The following ETV6 variants were observed in gnomAD, a reference collection of about 807,000 sequenced individuals.
The protein encoded by ETV6 is transcription factor ETV6.
ETV6 carries 16 observed loss-of-function variants against 51.1 expected under a neutral mutation model. That is an observed-to-expected ratio of 0.31 (90% CI 0.21 to 0.48). The LOEUF (loss-of-function observed/expected upper bound fraction) is 0.48, where lower values mean the gene tolerates loss of function less well. Among genes scored for constraint, ETV6 ranks in the 20% least tolerant of loss-of-function variants. ETV6 has a pLI of 0.99. For synonymous variants in ETV6, 240 were observed against 224.1 expected, an observed-to-expected ratio of 1.07 and a Z score of -0.64; for missense variants, 458 against 594.8, an observed-to-expected ratio of 0.77 and a Z score of 2.39.
At chr12:11,704,406 G>A (rs1227455409) in intron 1 of ETV6, among the ~76,000 whole-genome samples, 1 of 152,132 alleles carries the variant, frequency 6.6e-6, no homozygotes, top group African/African-American at 2.4e-5. Flanking sequence ...GAATACAGTG[G>A]CGTGATCTCA....
At chr12:11,740,707 A>T (rs2724643) in intron 1 of ETV6, among the ~76,000 whole-genome samples, 128,952 of 152,096 alleles carry the variant, frequency 0.85, 57,248 homozygotes, top group Non-Finnish European at 0.97. Context: ...TTAAAAAAAA[A>T]TTTATTAAGG....
intron 1 of ETV6, among the ~76,000 whole-genome samples, chr12:11,650,996 A>G (rs908524961): frequency 6.6e-6 from 1 of 152,196 alleles, no homozygotes; most frequent in Non-Finnish European, 1.5e-5. Flanking sequence ...GTGTGTATGC[A>G]TGTCTATATA....
intron 2 of ETV6, among the ~76,000 whole-genome samples, chr12:11,761,729 T>C (rs1162297735): frequency 6.6e-6 from 1 of 152,230 alleles, no homozygotes. Context: ...ACGTGGCTGA[T>C]TACTTGGGTC....
intron 2 of ETV6, among the ~76,000 whole-genome samples, chr12:11,756,520 T>C (rs149442634): frequency 1.5e-3 from 227 of 152,262 alleles, no homozygotes; most frequent in Middle Eastern, 0.01. Flanking sequence ...AAGCTTTTCA[T>C]TGTAGCTTGA....
intron 2 of ETV6, among the ~76,000 whole-genome samples, chr12:11,787,434 G>C (rs1324339238): frequency 6.6e-6 from 1 of 152,074 alleles, no homozygotes; most frequent in Non-Finnish European, 1.5e-5. Context: ...TCAATACATT[G>C]GGTTATATAA....
intron 1 of ETV6, among the ~76,000 whole-genome samples, chr12:11,743,236 T>C (rs532749027): frequency 6.6e-6 from 1 of 152,332 alleles, no homozygotes; most frequent in African/African-American, 2.4e-5. Context: ...CAGTATTGTT[T>C]GGTTTTGTTG....
chr12:11,870,389 G>A (rs147951791), intron 5 of ETV6, among the ~76,000 whole-genome samples: 245 of 152,194 alleles, frequency 1.6e-3, no homozygotes, highest in African/African-American at 5.6e-3. Context: ...GAGCGGTAAC[G>A]CCATGCAGCC....
chr12:11,851,353 T>C (rs190254317), intron 3 of ETV6, among the ~76,000 whole-genome samples: 1 of 152,146 alleles, frequency 6.6e-6, no homozygotes, highest in Non-Finnish European at 1.5e-5. Context: ...CCCTGTAAAT[T>C]AGCAAAAGTT....
intron 2 of ETV6, among the ~76,000 whole-genome samples, chr12:11,753,419 C>T (rs540723046): frequency 4.6e-5 from 7 of 152,332 alleles, no homozygotes; most frequent in African/African-American, 1.7e-4. Context: ...GATTCCCACC[C>T]TCTTCACAGT....
chr12:11,822,936 G>A (rs1946101407), intron 2 of ETV6, among the ~76,000 whole-genome samples: 1 of 152,056 alleles, frequency 6.6e-6, no homozygotes, highest in African/African-American at 2.4e-5. Flanking sequence ...AGTTTCCAAG[G>A]GCTGCATTAA....
intron 1 of ETV6, among the ~76,000 whole-genome samples, chr12:11,650,504 A>AAC (rs59518105): frequency 0.22 from 20,170 of 93,530 alleles, 2,636 homozygotes; most frequent in Non-Finnish European, 0.27. Context: ...AACAAAAAAC[A>AAC]AAAAAAAAAA....
At chr12:11,669,797 A>G (rs943089387) in intron 1 of ETV6, among the ~76,000 whole-genome samples, 1 of 152,116 alleles carries the variant, frequency 6.6e-6, no homozygotes, top group Admixed American at 6.5e-5. Context: ...TCATATATTC[A>G]TTCGTATTCC....
chr12:11,879,406 C>G (rs1947051593), intron 5 of ETV6, among the ~76,000 whole-genome samples: 3 of 152,094 alleles, frequency 2.0e-5, no homozygotes, highest in Admixed American at 2.0e-4. Flanking sequence ...TGGTTTTTTT[C>G]TTTAGAAACC....
At chr12:11,759,247 A>T (rs1032256149) in intron 2 of ETV6, among the ~76,000 whole-genome samples, 1 of 151,864 alleles carries the variant, frequency 6.6e-6, no homozygotes, top group Non-Finnish European at 1.5e-5. Context: ...AGCTCTGTGT[A>T]CATTTAAGGC....
At chr12:11,863,336 T>C (rs1946742822) in intron 4 of ETV6, among the ~76,000 whole-genome samples, 1 of 152,204 alleles carries the variant, frequency 6.6e-6, no homozygotes, top group Admixed American at 6.5e-5. Context: ...AGTCCTGGTT[T>C]ATTTTAGGCC....
At position 11,869,562 on chromosome 12, in the gene ETV6, T is replaced by C. The variant is rs145477191; in HGVS notation, c.602T>C (p.Leu201Pro). Residue 201 changes from leucine (L) to proline (P), a missense_variant, in exon 5 of 8, where the codon CTC (leucine) becomes CCC (proline). Around this residue, in one of 4 missense-constraint regions of ETV6, gnomAD observed 293 missense variants for 315.7 expected, o/e 0.93. Transcript: ENST00000396373. The surrounding 1 kb of genome is among the most constrained non-coding windows in gnomAD (Gnocchi z 5.0). ...RPSPDPEQRPLRSPLDNMIRR... is the reference protein window; with the variant it reads ...RPSPDPEQRPPRSPLDNMIRR... Reference sequence around the variant, plus strand: ...TCTCCTGACCCCGAGCAGCGGCCCCTCCGGTCCCCCCTGGACAACATGATC... The same window carrying C: ...TCTCCTGACCCCGAGCAGCGGCCCCCCCGGTCCCCCCTGGACAACATGATC... 11,428 of 1,613,942 alleles carry C rather than the reference T, an allele frequency of 7.1e-3. 50 individuals carry two copies. The highest frequency in any genetic ancestry group is 8.8e-3 in the Non-Finnish European group (10,363 of 1,179,980).
At chr12:11,689,183 A>G (rs1307278501) in intron 1 of ETV6, among the ~76,000 whole-genome samples, 6 of 152,106 alleles carry the variant, frequency 3.9e-5, no homozygotes, top group Non-Finnish European at 8.8e-5. Flanking sequence ...GAGCATTTTA[A>G]AGTATGGAAG....
intron 1 of ETV6, among the ~76,000 whole-genome samples, chr12:11,748,083 A>G (rs922232535): frequency 2.0e-5 from 3 of 152,058 alleles, no homozygotes; most frequent in Non-Finnish European, 2.9e-5. Context: ...TGGCATGACC[A>G]CTCTTGTCAC....
In ETV6 at chr12:11,890,953, C is replaced by T; in HGVS notation, c.1266C>T (p.Thr422=). The T allele has an allele frequency of 6.2e-7, 1 of 1,613,542 alleles. No homozygotes were observed. The highest frequency in any genetic ancestry group is 8.5e-7 in the Non-Finnish European group (1 of 1,179,638). Reference sequence around the variant, plus strand: ...TCTTCTTCCAAAGGTTTATGAAAACCCCAGATGAAATCATGAGTGGCCGAA... The same window carrying T: ...TCTTCTTCCAAAGGTTTATGAAAACTCCAGATGAAATCATGAGTGGCCGAA... ...GQRLLFRFMK[T]PDEIMSGRTD... Residue 422 remains threonine, a synonymous_variant, in exon 8 of 8, where the codon ACC becomes ACT. Transcript: ENST00000396373.
Sources: allele counts gnomAD v4.1 joint callset (sites outside exome capture counted in the v4.1 genomes callset), GRCh38; gene constraint gnomAD v4.1.1; regional missense constraint gnomAD v4.1.1; non-coding constraint Gnocchi (gnomAD v3.1); transcripts MANE v1.5; gene names NCBI Gene and HGNC (gene_info 2026-07-23, HGNC 2026-07-21).